DMXL1: variants seen among roughly 807,000 people sequenced by gnomAD.
The protein encoded by DMXL1 is Dmx like 1.
DMXL1 carries 99 observed loss-of-function variants against 319.2 expected under a neutral mutation model. That is an observed-to-expected ratio of 0.31 (90% CI 0.26 to 0.37). The LOEUF (loss-of-function observed/expected upper bound fraction) is 0.37. DMXL1 is among the 10% of genes least tolerant of loss of function. DMXL1 has a pLI of 1.00. For synonymous variants in DMXL1, 1,385 were observed against 1,235.2 expected (o/e 1.12, Z -2.54); for missense variants, 3,745 against 3,595.6 (o/e 1.04, Z -1.06).
In DMXL1 at chr5:119,189,829, G is replaced by A. The variant is rs17144964; in HGVS notation, c.7257G>A (p.Ala2419=). The A allele has an allele frequency of 5.7e-4, 924 of 1,613,978 alleles. 3 individuals are homozygous for A. The African/African-American group carries it at 8.5e-3, about 15-fold the overall frequency. The change falls in exon 29 of 44, where the codon GCG becomes GCA. Residue 2419 remains alanine, a synonymous_variant. Transcript: ENST00000539542. ...CACCAGTAAGCCAGGAGTCACTGGC[G>A]GTTAAAGAAAAGTTCATCCCACCTG... The part of the protein sequence containing the change: ...SSAPVSQESL[A]VKEKFIPPEL...
chr5:119,147,595 A>T (rs538761862), intron 17 of DMXL1, 125 bp downstream of exon 17: 8 of 640,776 alleles, frequency 1.2e-5, no homozygotes, highest in Non-Finnish European at 2.2e-5. Context: ...AATATATTCA[A>T]GTACCCTAAA....
At chr5:119,171,736 T>C in intron 24 of DMXL1, 42 bp from the exon 25 acceptor site, 1 of 1,502,592 alleles carries the variant, frequency 6.7e-7, no homozygotes, top group Non-Finnish European at 9.0e-7. Flanking sequence ...GGTTTGTAAC[T>C]GTAAATAGTT....
chr5:119,186,557 T>C (rs1485549935), intron 28 of DMXL1, among the ~76,000 whole-genome samples: 2 of 152,256 alleles, frequency 1.3e-5, no homozygotes, highest in African/African-American at 2.4e-5. Context: ...TGATTTTAAA[T>C]GATAAACTGA....
At chr5:119,219,191 C>A (rs1784216627) in intron 35 of DMXL1, among the ~76,000 whole-genome samples, 1 of 152,172 alleles carries the variant, frequency 6.6e-6, no homozygotes, top group African/African-American at 2.4e-5. Flanking sequence ...CCTACCTTAC[C>A]TACACACATA....
At chr5:119,077,816 A>G (rs1751317628) in intron 1 of DMXL1, among the ~76,000 whole-genome samples, 1 of 136,684 alleles carries the variant, frequency 7.3e-6, no homozygotes, top group Admixed American at 7.1e-5. Context: ...GCGAGACCCT[A>G]TCTGTACTTA....
chr5:119,122,737 AGATGT>A (rs1159080285), intron 9 of DMXL1, among the ~76,000 whole-genome samples: 1 of 150,000 alleles, frequency 6.7e-6, no homozygotes, highest in African/African-American at 2.5e-5. Flanking sequence ...CTCACTTCCT[AGATGT>A]GATGGTGGCC....
At chr5:119,106,247 T>C (rs1580730075) in intron 4 of DMXL1, among the ~76,000 whole-genome samples, 1 of 152,068 alleles carries the variant, frequency 6.6e-6, no homozygotes, top group Admixed American at 6.6e-5. Flanking sequence ...ATTCTGAGAG[T>C]GAAAGTAGAA....
chr5:119,221,527 G>GT (rs1032994561), intron 37 of DMXL1, among the ~76,000 whole-genome samples: 11 of 152,008 alleles, frequency 7.2e-5, no homozygotes, highest in Non-Finnish European at 1.0e-4. Context: ...GGATTTCAGT[G>GT]TTTTTTTACA....
At chr5:119,166,139 T>G (rs1303012803) in intron 21 of DMXL1, among the ~76,000 whole-genome samples, 2 of 152,182 alleles carry the variant, frequency 1.3e-5, no homozygotes, top group African/African-American at 4.8e-5. Flanking sequence ...TGTTTTGAGT[T>G]TATTTCCAGA....
At position 119,158,155 on chromosome 5, in the gene DMXL1, G is replaced by C. The variant is rs372077949; in HGVS notation, c.4702+6119G>C. On this transcript the variant is annotated intron_variant, in intron 19 of 43. Transcript: ENST00000539542. ...GATCCTCCCACCCTGGCCTCCCAAA[G>C]TGCTAGGATTACAGATGTGAGCCAC... Among the ~76,000 whole-genome samples, 25 of 150,054 alleles carry C rather than the reference G, an allele frequency of 1.7e-4. 1 individual carries two copies. The East Asian group carries it at 2.0e-3, about 12-fold the overall frequency.
Position 119,164,564 on chromosome 5 carries a change from T to C in DMXL1, c.4760T>C (p.Leu1587Pro). 1 of 1,614,194 alleles carries C rather than the reference T, an allele frequency of 6.2e-7. No homozygotes were observed. Among genetic ancestry groups the C allele is most frequent in the Non-Finnish European group, 8.5e-7 (1 of 1,180,016 alleles). The change falls in exon 20 of 44, where the codon CTG (leucine) becomes CCG (proline). Residue 1587 changes from leucine to proline, a missense_variant. By Grantham distance (98) the Leu-to-Pro change is moderately conservative. Around this residue, in one of 4 missense-constraint regions of DMXL1, gnomAD observed 2,096 missense variants for 1,985.4 expected, o/e 1.06. Transcript: ENST00000539542. ...CACTCAGTAGCAGAAGAAGAACTGC[T>C]GAACATGTTGCCAGCCATGCAGAAA... ...AFHSVAEEELLNMLPAMQKDD... is the reference protein window; with the variant it reads ...AFHSVAEEELPNMLPAMQKDD...
At chr5:119,134,527 G>T in intron 13 of DMXL1, 138 bp downstream of exon 13, 3 of 770,670 alleles carry the variant, frequency 3.9e-6, no homozygotes, top group Non-Finnish European at 5.9e-6. Flanking sequence ...TTTCACATTT[G>T]TACTCTTGTA....
At chr5:119,100,944 A>AT (rs140527244) in intron 2 of DMXL1, among the ~76,000 whole-genome samples, 114 of 150,026 alleles carry the variant, frequency 7.6e-4, no homozygotes, top group Middle Eastern at 6.9e-3. Context: ...CGCCCGGCTA[A>AT]TTTTTTTTTG....
At chr5:119,155,040 A>G (rs764058214) in intron 19 of DMXL1, among the ~76,000 whole-genome samples, 1 of 152,238 alleles carries the variant, frequency 6.6e-6, no homozygotes, top group East Asian at 1.9e-4. Context: ...GCAGCCTACT[A>G]TTGAGACCTT....
intron 1 of DMXL1, 123 bp from the exon 2 acceptor site, chr5:119,097,856 C>T (rs542374136): frequency 1.1e-6 from 1 of 870,364 alleles, no homozygotes; most frequent in Non-Finnish European, 1.7e-6. Context: ...TAAGAAAACA[C>T]CTAAAATTGG....
intron 7 of DMXL1, among the ~76,000 whole-genome samples, chr5:119,117,967 A>G (rs1180593097): frequency 6.6e-6 from 1 of 152,244 alleles, no homozygotes; most frequent in African/African-American, 2.4e-5. Context: ...ACAAGTTACT[A>G]CTACAAAATA....
At chr5:119,205,580 T>C (rs1397051536) in intron 33 of DMXL1, among the ~76,000 whole-genome samples, 1 of 152,126 alleles carries the variant, frequency 6.6e-6, no homozygotes, top group Non-Finnish European at 1.5e-5. Flanking sequence ...TGCAATGTTT[T>C]GATAAATAGA....
chr5:119,220,830 T>C (rs1784524091), intron 36 of DMXL1, 110 bp from the exon 37 acceptor site: 1 of 1,340,530 alleles, frequency 7.5e-7, no homozygotes, highest in Non-Finnish European at 1.0e-6. Flanking sequence ...AAATAAGAGC[T>C]GAAGAAAATT....
intron 1 of DMXL1, among the ~76,000 whole-genome samples, chr5:119,080,630 C>G (rs1196997294): frequency 1.3e-5 from 2 of 152,182 alleles, no homozygotes; most frequent in Non-Finnish European, 2.9e-5. Context: ...TGCAGTTACT[C>G]TGTTGAAATA....
Sources: allele counts gnomAD v4.1 joint callset (sites outside exome capture counted in the v4.1 genomes callset), GRCh38; gene constraint gnomAD v4.1.1; regional missense constraint gnomAD v4.1.1; transcripts MANE v1.5; gene names NCBI Gene and HGNC (gene_info 2026-07-23, HGNC 2026-07-21).